Variants in KCNJ6 observed in about 807,000 individuals in gnomAD.
KCNJ6 encodes potassium inwardly rectifying channel subfamily J member 6.
Under a neutral mutation model 34.2 loss-of-function variants are expected in KCNJ6, and 9 were observed. The observed-to-expected ratio is 0.26, with a 90% confidence interval of 0.16 to 0.46. The LOEUF (loss-of-function observed/expected upper bound fraction) is 0.46, where lower values mean the gene tolerates loss of function less well. Ranked by LOEUF, KCNJ6 falls within the 20% of genes least tolerant of loss-of-function variation. The pLI, the probability that KCNJ6 is intolerant of heterozygous loss-of-function variation, is 1.00. For synonymous variants in KCNJ6, 196 were observed against 207.1 expected (o/e 0.95, Z 0.46); for missense variants, 236 against 531.3 (o/e 0.44, Z 5.46).
chr21:37,718,800 G>GA (rs2123456171), intron 2 of KCNJ6, among the ~76,000 whole-genome samples: 1 of 152,202 alleles, frequency 6.6e-6, no homozygotes, highest in South Asian at 2.1e-4. Flanking sequence ...AGGTACCCTA[G>GA]AACTTAAAGT....
intron 1 of KCNJ6, among the ~76,000 whole-genome samples, chr21:37,898,582 CAAAAGAAAAAAAAAA>C (rs1412992864): frequency 2.5e-5 from 3 of 118,558 alleles, no homozygotes; most frequent in African/African-American, 9.2e-5. Context: ...GACTCCATCT[CAAAAGAAAAAAAAAA>C]AAAAGAAAAA....
chr21:37,608,446 T>C lies in KCNJ6; in HGVS notation c.*16713A>G, dbSNP rs933034625. ...GTGCTGGAATTACAGGCATGAACCA[T>C]TGTGCTTGCCTGCCCTTGGATCTCT... On this transcript the variant is annotated 3_prime_UTR_variant, in exon 4 of 4. Coordinates refer to ENST00000609713, the MANE Select transcript of KCNJ6 (RefSeq NM_002240.5). 1.3e-5 allele frequency: 2 copies of C among 152,220 alleles called. No homozygotes were observed. Among genetic ancestry groups the C allele is most frequent in the Non-Finnish European group, 2.9e-5 (2 of 68,066 alleles). 9.4% of individuals were successfully genotyped at this position (152,220 alleles called of 1,614,324 possible). A position where few individuals can be genotyped will look rare whatever the true frequency, so the allele number is the denominator to read the frequency against.
At chr21:37,722,152 T>C (rs2054830197) in intron 2 of KCNJ6, among the ~76,000 whole-genome samples, 1 of 152,190 alleles carries the variant, frequency 6.6e-6, no homozygotes, top group African/African-American at 2.4e-5. Context: ...TATACACTAA[T>C]AATGTTCAAG....
Position 37,842,024 on chromosome 21 carries a change from A to G in KCNJ6, c.-27-1315T>C, listed in dbSNP as rs186687961. On this transcript the variant is annotated intron_variant, in intron 1 of 3. Coordinates refer to ENST00000609713, the MANE Select transcript of KCNJ6 (RefSeq NM_002240.5). ...CAAAGGTTGTACCTGACAGTGTATAAAAGTGTTCAGTTCCTTACATTCTTG... is the reference window on the plus strand; with the variant it reads ...CAAAGGTTGTACCTGACAGTGTATAGAAGTGTTCAGTTCCTTACATTCTTG... Among the ~76,000 whole-genome samples the G allele has an allele frequency of 3.1e-3, 476 of 152,344 alleles. 2 individuals carry two copies. The highest frequency in any genetic ancestry group is 5.3e-3 in the Non-Finnish European group (359 of 68,032).
At chr21:37,659,057 A>G (rs2054476648) in intron 3 of KCNJ6, among the ~76,000 whole-genome samples, 1 of 152,264 alleles carries the variant, frequency 6.6e-6, no homozygotes, top group Non-Finnish European at 1.5e-5. Flanking sequence ...GTTTCCCAGC[A>G]TGGAATGCTT....
chr21:37,915,223 G>C (rs1157432960), intron 1 of KCNJ6, among the ~76,000 whole-genome samples: 4 of 152,122 alleles, frequency 2.6e-5, no homozygotes, highest in Admixed American at 2.6e-4. Context: ...TCCTCTAAAT[G>C]CCACACACAT....
chr21:37,821,554 C>T (rs73411875), intron 2 of KCNJ6, among the ~76,000 whole-genome samples: 5 of 152,102 alleles, frequency 3.3e-5, no homozygotes, highest in Admixed American at 6.5e-5. Flanking sequence ...CCCTGCCCCC[C>T]CAACAGGCCC....
At chr21:37,910,807 G>C (rs1232790141) in intron 1 of KCNJ6, among the ~76,000 whole-genome samples, 4 of 152,162 alleles carry the variant, frequency 2.6e-5, no homozygotes, top group Non-Finnish European at 2.9e-5. Flanking sequence ...TTAAAATTTA[G>C]GGTTAACTTT....
At chr21:37,894,749 C>T (rs1465225163) in intron 1 of KCNJ6, among the ~76,000 whole-genome samples, 2 of 152,146 alleles carry the variant, frequency 1.3e-5, no homozygotes, top group African/African-American at 2.4e-5. Flanking sequence ...GGCTTTACTA[C>T]TTTTGACGCT....
intron 1 of KCNJ6, among the ~76,000 whole-genome samples, chr21:37,897,425 G>A (rs2055794363): frequency 6.6e-6 from 1 of 152,182 alleles, no homozygotes; most frequent in South Asian, 2.1e-4. Flanking sequence ...TCCCATGCTG[G>A]GAGAAATGAC....
At chr21:37,866,483 G>A (rs1385086923) in intron 1 of KCNJ6, among the ~76,000 whole-genome samples, 7 of 152,156 alleles carry the variant, frequency 4.6e-5, no homozygotes, top group Non-Finnish European at 1.0e-4. Flanking sequence ...ACTGAACCAG[G>A]AGCCCGACCT....
intron 3 of KCNJ6, among the ~76,000 whole-genome samples, chr21:37,688,183 G>A (rs947837693): frequency 3.3e-5 from 5 of 152,076 alleles, no homozygotes; most frequent in Middle Eastern, 3.4e-3. Context: ...TAACATATTT[G>A]AATTATATGT....
chr21:37,655,215 GTGTGTGTGTGAGAGA>G (rs2054454472), intron 3 of KCNJ6, among the ~76,000 whole-genome samples: 1 of 35,560 alleles, frequency 2.8e-5, no homozygotes, highest in African/African-American at 5.7e-5. Flanking sequence ...GTGTGTGTGT[GTGTGTGTGTGAGAGA>G]GAGAGAGAGA....
intron 3 of KCNJ6, among the ~76,000 whole-genome samples, chr21:37,701,259 C>A (rs2054689392): frequency 6.6e-6 from 1 of 152,014 alleles, no homozygotes; most frequent in South Asian, 2.1e-4. Context: ...TGGGGAACCA[C>A]CGAGGTTTTG....
At chr21:37,649,830 G>A (rs906424993) in intron 3 of KCNJ6, among the ~76,000 whole-genome samples, 1 of 152,150 alleles carries the variant, frequency 6.6e-6, no homozygotes, top group East Asian at 1.9e-4. Context: ...TCGGCTCACT[G>A]CAAACTCCGC....
At chr21:37,764,036 C>T (rs2055079046) in intron 2 of KCNJ6, among the ~76,000 whole-genome samples, 1 of 152,168 alleles carries the variant, frequency 6.6e-6, no homozygotes, top group African/African-American at 2.4e-5. Context: ...AGGAGTAGAA[C>T]CAAGTCCCTG....
rs986124786 is a variant in KCNJ6 at position 37,916,228 on chromosome 21, G to C, written c.-372C>G. The C allele has an allele frequency of 6.6e-6, 1 of 152,174 alleles. No individual in the cohort carries two copies. Among genetic ancestry groups the C allele is most frequent in the African/African-American group, 2.4e-5 (1 of 41,436 alleles). 9.4% of individuals were successfully genotyped at this position (152,174 alleles called of 1,614,324 possible). The stretch of plus-strand genomic sequence containing the variant: ...GGCTGGGCGCTGGGGCCAAGGGAGG[G>C]GCGGAGGGGCGCGCGTTTGGGCAGG... On this transcript the variant is annotated 5_prime_UTR_variant, in exon 1 of 4. Coordinates refer to ENST00000609713, the MANE Select transcript of KCNJ6 (RefSeq NM_002240.5).
At chr21:37,650,267 G>A (rs1356522128) in intron 3 of KCNJ6, among the ~76,000 whole-genome samples, 1 of 152,178 alleles carries the variant, frequency 6.6e-6, no homozygotes, top group Non-Finnish European at 1.5e-5. Context: ...TAGGGTTGTT[G>A]TAGGCTTGGG....
intron 1 of KCNJ6, among the ~76,000 whole-genome samples, chr21:37,848,666 A>G (rs537503737): frequency 1.3e-5 from 2 of 152,364 alleles, no homozygotes; most frequent in Admixed American, 6.5e-5. Context: ...TTGTACTAAC[A>G]TTGCCTCAAT....
Sources: allele counts gnomAD v4.1 joint callset (sites outside exome capture counted in the v4.1 genomes callset), GRCh38; gene constraint gnomAD v4.1.1; transcripts MANE v1.5; gene names NCBI Gene and HGNC (gene_info 2026-07-23, HGNC 2026-07-21).